WIPF1: variants seen among roughly 807,000 people sequenced by gnomAD.
WIPF1 encodes WAS/WASL-interacting protein family member 1.
In WIPF1, 13 loss-of-function variants were observed where a neutral mutation model predicts 35.4. That is an observed-to-expected ratio of 0.37 (90% CI 0.24 to 0.58). WIPF1 has a LOEUF of 0.58. Among genes scored for constraint, WIPF1 ranks in the 20% least tolerant of loss-of-function variants. The pLI, the probability that WIPF1 is intolerant of heterozygous loss-of-function variation, is 0.74. For missense variants in WIPF1, 591 were observed against 667.0 expected, an observed-to-expected ratio of 0.89 and a Z score of 1.25; for synonymous variants, 267 against 266.3, an observed-to-expected ratio of 1.00 and a Z score of -0.02.
At chr2:174,608,987 G>C (rs2105895548) in intron 1 of WIPF1, among the ~76,000 whole-genome samples, 1 of 152,290 alleles carries the variant, frequency 6.6e-6, no homozygotes, top group Non-Finnish European at 1.5e-5. Context: ...CTGTGGGAAG[G>C]GCTCAGTGAC....
chr2:174,627,776 C>T (rs778515848), intron 1 of WIPF1, among the ~76,000 whole-genome samples: 1 of 152,122 alleles, frequency 6.6e-6, no homozygotes, highest in Non-Finnish European at 1.5e-5. Context: ...GAACTCCTGG[C>T]TCAAGCAATC....
chr2:174,567,553 A>G (rs1684701125), intron 6 of WIPF1, among the ~76,000 whole-genome samples: 1 of 152,228 alleles, frequency 6.6e-6, no homozygotes, highest in Admixed American at 6.5e-5. Context: ...AGAAATGTAC[A>G]TAATAAGAAG....
intron 7 of WIPF1, among the ~76,000 whole-genome samples, chr2:174,564,104 T>C (rs1684568170): frequency 6.6e-6 from 1 of 152,118 alleles, no homozygotes; most frequent in African/African-American, 2.4e-5. Flanking sequence ...CCAAGTGCAT[T>C]CGGTACTGCT....
At chr2:174,667,067 T>C (rs1314515134) in intron 1 of WIPF1, among the ~76,000 whole-genome samples, 1 of 152,234 alleles carries the variant, frequency 6.6e-6, no homozygotes, top group Non-Finnish European at 1.5e-5. Flanking sequence ...GTTGGTTTTG[T>C]TTTAGCTTCT....
intron 6 of WIPF1, among the ~76,000 whole-genome samples, chr2:174,567,410 A>G (rs1051246656): frequency 6.6e-6 from 1 of 152,270 alleles, no homozygotes; most frequent in Non-Finnish European, 1.5e-5. Flanking sequence ...GAGAGTGATT[A>G]GGATCCAGCC....
intron 1 of WIPF1, among the ~76,000 whole-genome samples, chr2:174,638,048 G>C (rs1394410300): frequency 6.6e-6 from 1 of 152,260 alleles, no homozygotes; most frequent in East Asian, 1.9e-4. Flanking sequence ...TGGACTAAGA[G>C]ATGTAATTTA....
At chr2:174,614,783 A>C (rs1686457012) in intron 1 of WIPF1, among the ~76,000 whole-genome samples, 2 of 152,252 alleles carry the variant, frequency 1.3e-5, no homozygotes, top group Non-Finnish European at 2.9e-5. Context: ...AACCTGCTGC[A>C]AAACACCTTG....
At chr2:174,662,876 T>C (rs1297491257) in intron 1 of WIPF1, among the ~76,000 whole-genome samples, 1 of 152,216 alleles carries the variant, frequency 6.6e-6, no homozygotes, top group Non-Finnish European at 1.5e-5. Flanking sequence ...AGGACATGAA[T>C]GCAACACCTT....
At chr2:174,675,029 T>C (rs1688099039) in intron 1 of WIPF1, among the ~76,000 whole-genome samples, 1 of 152,082 alleles carries the variant, frequency 6.6e-6, no homozygotes, top group Non-Finnish European at 1.5e-5. Context: ...TAAGCAGCCA[T>C]GCCATAAGTG....
intron 1 of WIPF1, among the ~76,000 whole-genome samples, chr2:174,631,333 GAC>G (rs1687013955): frequency 1.3e-5 from 2 of 152,140 alleles, no homozygotes; most frequent in African/African-American, 4.8e-5. Flanking sequence ...GGACCTTAAG[GAC>G]ATTACGCTAA....
intron 1 of WIPF1, among the ~76,000 whole-genome samples, chr2:174,649,197 G>T (rs1034710263): frequency 6.6e-6 from 1 of 152,060 alleles, no homozygotes; most frequent in Non-Finnish European, 1.5e-5. Flanking sequence ...AAAAATACAC[G>T]TATTTCAGAT....
rs1418335002 is a variant in WIPF1, at chr2:174,561,747, C to T, written c.*800G>A. The T allele has an allele frequency of 9.8e-6, 2 of 203,924 alleles. No individual in the cohort carries two copies. The highest frequency in any genetic ancestry group is 2.2e-4 in the East Asian group (2 of 9,094). 12.6% of individuals were successfully genotyped at this position (203,924 alleles called of 1,614,324 possible). ...TTTAAACAAGAGGTTTCTGCACTAG[C>T]TTCCATCTTCCAGACTCGTGCTGTC... On this transcript the variant is annotated 3_prime_UTR_variant, in exon 8 of 8. Coordinates refer to ENST00000679041, the MANE Select transcript of WIPF1 (RefSeq NM_001375834.1).
At chr2:174,576,703 G>A (rs944698307) in intron 3 of WIPF1, among the ~76,000 whole-genome samples, 5 of 152,138 alleles carry the variant, frequency 3.3e-5, no homozygotes, top group South Asian at 2.1e-4. Flanking sequence ...ACTTTCCATT[G>A]TCTTTGAGCC....
rs553037000 is a variant in WIPF1, at chr2:174,615,433, AG to A, written c.-38-29823del. On this transcript the variant is annotated intron_variant, in intron 1 of 8. Coordinates refer to the WIPF1 transcript ENST00000272746. ...TCTCTAGTCCTATTTTCCTTAGTGT[AG>A]GCATAAAAGTTCTTAAAGGCTTAGA... Among the ~76,000 whole-genome samples the A allele has an allele frequency of 9.5e-4, 144 of 152,200 alleles. 1 individual carries two copies. The highest frequency in any genetic ancestry group is 1.9e-3 in the Non-Finnish European group (129 of 68,034).
chr2:174,643,640 C>T (rs1687343568), intron 1 of WIPF1, among the ~76,000 whole-genome samples: 1 of 137,888 alleles, frequency 7.3e-6, no homozygotes, highest in African/African-American at 3.5e-5. Context: ...CAACTTCTGA[C>T]CTCAAGTGGT....
intron 1 of WIPF1, among the ~76,000 whole-genome samples, chr2:174,592,605 ATT>A (rs36039287): frequency 0.47 from 61,914 of 131,006 alleles, 13,751 homozygotes; most frequent in East Asian, 0.81. Context: ...TTATTTATTG[ATT>A]TTTTTTTTTT....
At chr2:174,608,102 A>G (rs965019451) in intron 1 of WIPF1, among the ~76,000 whole-genome samples, 6 of 152,192 alleles carry the variant, frequency 3.9e-5, no homozygotes, top group Non-Finnish European at 8.8e-5. Flanking sequence ...CTGCCAACAG[A>G]TTTAACGACT....
intron 3 of WIPF1, among the ~76,000 whole-genome samples, chr2:174,579,893 A>G (rs1359996452): frequency 6.6e-6 from 1 of 151,878 alleles, no homozygotes; most frequent in Non-Finnish European, 1.5e-5. Context: ...TTATAACCAC[A>G]TTCGTTTTGT....
intron 1 of WIPF1, among the ~76,000 whole-genome samples, chr2:174,614,718 C>A (rs1257259007): frequency 6.6e-6 from 1 of 152,168 alleles, no homozygotes; most frequent in Non-Finnish European, 1.5e-5. Context: ...ATCTTATTTT[C>A]CAAAGTACAA....
Sources: allele counts gnomAD v4.1 joint callset (sites outside exome capture counted in the v4.1 genomes callset), GRCh38; gene constraint gnomAD v4.1.1; transcripts MANE v1.5; gene names NCBI Gene and HGNC (gene_info 2026-07-23, HGNC 2026-07-21).